STK24: variants seen among roughly 807,000 people sequenced by gnomAD.
STK24 encodes serine/threonine kinase 24, also known as serine/threonine-protein kinase 24.
Under a neutral mutation model 55.6 loss-of-function variants are expected in STK24, and 21 were observed. The ratio of observed to expected loss-of-function variants is 0.38; its 90% confidence interval spans 0.27 to 0.54. STK24 has a LOEUF of 0.54. Ranked by LOEUF, STK24 falls within the 20% of genes least tolerant of loss-of-function variation. The pLI, the probability that STK24 is intolerant of heterozygous loss-of-function variation, is 0.79. For synonymous variants in STK24, 200 were observed against 215.2 expected, an observed-to-expected ratio of 0.93 and a Z score of 0.62; for missense variants, 383 against 538.4, an observed-to-expected ratio of 0.71 and a Z score of 2.86.
intron 2 of STK24, among the ~76,000 whole-genome samples, chr13:98,486,922 AC>A (rs1337697587): frequency 2.6e-5 from 4 of 152,208 alleles, no homozygotes; most frequent in Admixed American, 6.5e-5. Context: ...TTCCAACCTC[AC>A]AGTTCCAAGT....
chr13:98,499,403 T>C (rs77140394), intron 2 of STK24, among the ~76,000 whole-genome samples: 27,299 of 152,208 alleles, frequency 0.18, 2,511 homozygotes, highest in Middle Eastern at 0.22. Flanking sequence ...CACACCCTCC[T>C]GGTGTGTTCC....
In STK24 at chr13:98,453,198, C is replaced by T. The variant is rs1594563504; in HGVS notation, c.1271G>A (p.Ser424Asn). The change falls in exon 11 of 11, where the codon AGT becomes AAT. Residue 424 changes from serine to asparagine, a missense_variant. Coordinates refer to ENST00000539966, the MANE Select transcript of STK24 (RefSeq NM_001032296.4). The part of the protein sequence containing the change: ...LVQRLQRYSL[S>N]GGGTSSH ...TCAGTGGGATGAAGTTCCTCCACCA[C>T]TTAGAGAGTATCTAGGGAAAAAGAG... The T allele has an allele frequency of 2.5e-6, 4 of 1,613,522 alleles. No individual in the cohort carries two copies. The highest frequency in any genetic ancestry group is 8.5e-7 in the Non-Finnish European group (1 of 1,179,786).
In STK24 at chr13:98,563,452, G is replaced by T. The variant is rs529498775; in HGVS notation, c.42+13293C>A. 2.0e-5 allele frequency among the ~76,000 whole-genome samples: 3 copies of T among 152,252 alleles called. No individual in the cohort carries two copies. In the South Asian group the frequency reaches 6.2e-4, roughly 32 times the overall value. On this transcript the variant is annotated intron_variant, in intron 1 of 10. Coordinates refer to ENST00000539966, the MANE Select transcript of STK24 (RefSeq NM_001032296.4). ...GTTTTAGAAAGACTTCAGATTCTTC[G>T]ATAACAAAGGGAAAAAAGAGCGCAA...
rs559363874 is a variant in STK24, at chr13:98,453,101, G to C, written c.*72C>G. ...TTCGGTGGAGTCAGCGAAGGCTCTCGTTGACTTTTAAAAAAGGAGGAGGAT... is the reference window on the plus strand; with the variant it reads ...TTCGGTGGAGTCAGCGAAGGCTCTCCTTGACTTTTAAAAAAGGAGGAGGAT... On this transcript the variant is annotated 3_prime_UTR_variant, in exon 11 of 11. Transcript: ENST00000539966. The C allele has an allele frequency of 6.3e-7, 1 of 1,581,078 alleles. No homozygotes were observed. The highest frequency in any genetic ancestry group is 8.7e-7 in the Non-Finnish European group (1 of 1,154,704).
intron 2 of STK24, among the ~76,000 whole-genome samples, chr13:98,509,400 A>G (rs1385891095): frequency 6.6e-6 from 1 of 152,170 alleles, no homozygotes; most frequent in Non-Finnish European, 1.5e-5. Context: ...ACACAATTTT[A>G]AAAAAACAAA....
At chr13:98,559,020 AAAAAAAAAAAAAT>A (rs2139447675) in intron 1 of STK24, among the ~76,000 whole-genome samples, 3 of 149,768 alleles carry the variant, frequency 2.0e-5, no homozygotes, top group African/African-American at 7.3e-5. Flanking sequence ...AAAAAAAAAA[AAAAAAAAAAAAAT>A]ACAAAATTAG....
chr13:98,512,275 C>T (rs1895907100), intron 2 of STK24, among the ~76,000 whole-genome samples: 1 of 152,060 alleles, frequency 6.6e-6, no homozygotes, highest in Admixed American at 6.5e-5. Flanking sequence ...CTATTGAAGA[C>T]ACACAGATTA....
chr13:98,481,298 A>T (rs939693898), intron 3 of STK24, among the ~76,000 whole-genome samples: 1 of 152,220 alleles, frequency 6.6e-6, no homozygotes, highest in Non-Finnish European at 1.5e-5. Flanking sequence ...GTTTTACACA[A>T]GCAAATCACA....
intron 2 of STK24, among the ~76,000 whole-genome samples, chr13:98,485,151 G>A (rs1351262109): frequency 6.6e-6 from 1 of 152,212 alleles, no homozygotes; most frequent in Non-Finnish European, 1.5e-5. Flanking sequence ...TGCCTAGACA[G>A]AGCCGACTCA....
Position 98,446,928 on chromosome 13 carries a change from C to A in STK24, c.*6245G>T. 1 of 1,215,756 alleles carries A rather than the reference C, an allele frequency of 8.2e-7. No homozygotes were observed. The highest frequency in any genetic ancestry group is 1.2e-6 in the Non-Finnish European group (1 of 850,278). 75.3% of individuals were successfully genotyped at this position (1,215,756 alleles called of 1,614,324 possible). A position where few individuals can be genotyped will look rare whatever the true frequency, so the allele number is the denominator to read the frequency against. ...AGATGGCCCCACCCTTCCCTGCCAA[C>A]TAAGCGTTTAGACCTGGGGTCCCAC... On this transcript the variant is annotated 3_prime_UTR_variant, in exon 11 of 11. Coordinates refer to ENST00000539966, the MANE Select transcript of STK24 (RefSeq NM_001032296.4).
chr13:98,515,340 C>A (rs1194503150), intron 2 of STK24, among the ~76,000 whole-genome samples: 1 of 151,900 alleles, frequency 6.6e-6, no homozygotes, highest in Non-Finnish European at 1.5e-5. Context: ...GTGGATGGTA[C>A]CTCAGTGGCA....
rs987557340 is a variant in STK24, at chr13:98,466,490, G to A, written c.669C>T (p.His223=). The A allele has an allele frequency of 7.4e-6, 12 of 1,614,118 alleles. No homozygotes were observed. Among genetic ancestry groups the A allele is most frequent in the African/African-American group, 2.7e-5 (2 of 75,054 alleles). Reference sequence around the variant, plus strand: ...GAATGAGGAATAAAACTTTCATGGGGTGCAGCTCGGAATGAGGTGGTTCCC... The same window carrying A: ...GAATGAGGAATAAAACTTTCATGGGATGCAGCTCGGAATGAGGTGGTTCCC... ...ARGEPPHSEL[H]PMKVLFLIPK... Residue 223 remains histidine, a synonymous_variant, in exon 6 of 11, where the codon CAC becomes CAT. Transcript: ENST00000539966.
chr13:98,529,031 A>G (rs1482986194), intron 1 of STK24, among the ~76,000 whole-genome samples: 1 of 151,790 alleles, frequency 6.6e-6, no homozygotes, highest in South Asian at 2.1e-4. Flanking sequence ...GAATCTACTC[A>G]CCCCAGCCAG....
At chr13:98,530,898 A>G (rs923537194) in intron 1 of STK24, among the ~76,000 whole-genome samples, 2 of 152,228 alleles carry the variant, frequency 1.3e-5, no homozygotes, top group Non-Finnish European at 2.9e-5. Context: ...CTCGCTGGCC[A>G]TAACTCTTAA....
In STK24 at chr13:98,545,045, T is replaced by C. The variant is rs575900289; in HGVS notation, c.43-25572A>G. 2.7e-4 allele frequency among the ~76,000 whole-genome samples: 41 copies of C among 152,288 alleles called. No individual in the cohort carries two copies. In the South Asian group the frequency reaches 6.4e-3, roughly 24 times the overall value. ...TTCCAGTTAGTTTATCCTAGGGAAA[T>C]AGACAAGTGAAAAGATTCATATGTC... On this transcript the variant is annotated intron_variant, in intron 1 of 10. Coordinates refer to ENST00000539966, the MANE Select transcript of STK24 (RefSeq NM_001032296.4).
At chr13:98,545,573 G>GCAGTGAGC (rs1897008637) in intron 1 of STK24, among the ~76,000 whole-genome samples, 1 of 149,348 alleles carries the variant, frequency 6.7e-6, no homozygotes, top group Non-Finnish European at 1.5e-5. Flanking sequence ...GGCAGAGCTT[G>GCAGTGAGC]CAGTGAGCCG....
At chr13:98,537,425 C>A (rs1896765966) in intron 1 of STK24, among the ~76,000 whole-genome samples, 1 of 152,236 alleles carries the variant, frequency 6.6e-6, no homozygotes, top group Non-Finnish European at 1.5e-5. Flanking sequence ...AGACCTCAAC[C>A]CCATCAGCTG....
intron 2 of STK24, among the ~76,000 whole-genome samples, chr13:98,484,344 C>T (rs936762916): frequency 2.0e-5 from 3 of 152,202 alleles, no homozygotes; most frequent in Non-Finnish European, 4.4e-5. Flanking sequence ...CTCCCACTCC[C>T]TTTTTAACAG....
chr13:98,533,333 T>C (rs1315100080), intron 1 of STK24, among the ~76,000 whole-genome samples: 2 of 152,264 alleles, frequency 1.3e-5, no homozygotes, highest in Admixed American at 6.5e-5. Flanking sequence ...CACTCCAGCC[T>C]GGGTGACAGA....
Sources: gnomAD v4.1 joint callset for allele counts (sites outside exome capture counted in the v4.1 genomes callset) on GRCh38, gnomAD v4.1.1 for gene constraint, MANE v1.5 for transcripts, NCBI Gene and HGNC (gene_info 2026-07-23, HGNC 2026-07-21) for gene names.